RARB: variants seen among roughly 807,000 people sequenced by gnomAD.
RARB encodes retinoic acid receptor beta.
In RARB, 17 loss-of-function variants were observed where a neutral mutation model predicts 51.9. The ratio of observed to expected loss-of-function variants is 0.33; its 90% CI spans 0.22 to 0.49. RARB has a LOEUF of 0.49. Ranked by LOEUF, RARB falls within the 20% of genes least tolerant of loss-of-function variation. The pLI is 0.99. For synonymous variants in RARB, 215 were observed against 195.4 expected, an observed-to-expected ratio of 1.10 and a Z score of -0.84; for missense variants, 369 against 550.8, an observed-to-expected ratio of 0.67 and a Z score of 3.30.
intron 2 of RARB, among the ~76,000 whole-genome samples, chr3:25,472,400 G>A (rs1695741014): frequency 6.6e-6 from 1 of 152,168 alleles, no homozygotes; most frequent in African/African-American, 2.4e-5. Context: ...AAAACCAACT[G>A]CAAAGTCGAC....
chr3:25,417,746 T>C (rs1272723216), intron 5 of RARB, among the ~76,000 whole-genome samples: 1 of 152,218 alleles, frequency 6.6e-6, no homozygotes, highest in African/African-American at 2.4e-5. Flanking sequence ...ACTATCTTTC[T>C]TCTTCTTTTA....
intron 3 of RARB, among the ~76,000 whole-genome samples, chr3:25,072,817 TCCTGCCTCAG>T (rs1358551262): frequency 6.6e-6 from 1 of 152,026 alleles, no homozygotes; most frequent in Non-Finnish European, 1.5e-5. Context: ...CACGCCATTC[TCCTGCCTCAG>T]CCTGCCGAGT....
intron 2 of RARB, among the ~76,000 whole-genome samples, chr3:25,024,132 C>T (rs1463023406): frequency 1.3e-5 from 2 of 152,116 alleles, no homozygotes; most frequent in South Asian, 2.1e-4. Context: ...CAGCCTAATC[C>T]CTGAGTCTCA....
At chr3:25,260,293 C>A (rs1051589276) in intron 5 of RARB, among the ~76,000 whole-genome samples, 1 of 152,080 alleles carries the variant, frequency 6.6e-6, no homozygotes, top group African/African-American at 2.4e-5. Context: ...ATAAGAAATA[C>A]ATATATATGT....
intron 2 of RARB, among the ~76,000 whole-genome samples, chr3:24,885,295 C>T (rs950560589): frequency 6.6e-6 from 1 of 151,936 alleles, no homozygotes; most frequent in Admixed American, 6.6e-5. Context: ...AATGGGATGC[C>T]TTTGGGAATT....
intron 5 of RARB, among the ~76,000 whole-genome samples, chr3:25,249,928 T>C (rs1199137100): frequency 4.9e-5 from 3 of 61,134 alleles, no homozygotes; most frequent in Admixed American, 1.2e-4. Context: ...GTTGGGCCAA[T>C]TATTGGGTCA....
chr3:25,377,443 C>A (rs1399952230), intron 5 of RARB, among the ~76,000 whole-genome samples: 5 of 152,316 alleles, frequency 3.3e-5, no homozygotes, highest in Non-Finnish European at 5.9e-5. Context: ...GGGCATGGCA[C>A]TGTGTAGGTC....
chr3:25,531,240 T>C (rs938921846), intron 3 of RARB, among the ~76,000 whole-genome samples: 1 of 152,122 alleles, frequency 6.6e-6, no homozygotes, highest in Non-Finnish European at 1.5e-5. Context: ...TCCGAAGACC[T>C]GTGAACCACA....
intron 3 of RARB, among the ~76,000 whole-genome samples, chr3:25,119,460 G>T (rs1035127575): frequency 6.6e-6 from 1 of 152,032 alleles, no homozygotes; most frequent in South Asian, 2.1e-4. Context: ...CAAAGTAATC[G>T]ATGTTAAGAG....
At chr3:25,508,627 G>A (rs999592122) in intron 3 of RARB, among the ~76,000 whole-genome samples, 13 of 152,190 alleles carry the variant, frequency 8.5e-5, no homozygotes, top group African/African-American at 3.1e-4. Context: ...TTCTTCATTT[G>A]TTCCCGTGTT....
intron 2 of RARB, among the ~76,000 whole-genome samples, chr3:24,942,264 A>T (rs887291689): frequency 1.3e-5 from 2 of 152,220 alleles, no homozygotes; most frequent in African/African-American, 2.4e-5. Flanking sequence ...ATAAACCAAA[A>T]TAGCTCTGTA....
At chr3:25,267,056 C>A (rs962094154) in intron 5 of RARB, among the ~76,000 whole-genome samples, 2 of 152,142 alleles carry the variant, frequency 1.3e-5, no homozygotes, top group East Asian at 3.8e-4. Context: ...TGATTCTGAC[C>A]CCTTCCCTGA....
intron 3 of RARB, among the ~76,000 whole-genome samples, chr3:25,515,220 T>G (rs1258440153): frequency 6.6e-6 from 1 of 152,192 alleles, no homozygotes; most frequent in Non-Finnish European, 1.5e-5. Flanking sequence ...ATCCATCAGA[T>G]TGAAGTGTGG....
rs534027405 is a variant in RARB, at chr3:24,869,380, T to A, written c.-380+10628T>A. On this transcript the variant is annotated intron_variant, in intron 2 of 11. Coordinates refer to the RARB transcript ENST00000383772. ...TTATGGTTTTCACATAAATGTAAAA[T>A]TAAGACAAATCAAATTATGCTTCCT... 7.9e-5 allele frequency among the ~76,000 whole-genome samples: 12 copies of A among 152,208 alleles called. No homozygotes were observed. The South Asian group carries it at 1.5e-3, about 18-fold the overall frequency.
At chr3:25,103,605 A>C (rs1039446683) in intron 3 of RARB, among the ~76,000 whole-genome samples, 2 of 152,238 alleles carry the variant, frequency 1.3e-5, no homozygotes, top group Non-Finnish European at 2.9e-5. Context: ...TCTTTGAGCA[A>C]GGAGGAGGAG....
At chr3:24,958,822 ATG>A (rs1308474952) in intron 2 of RARB, among the ~76,000 whole-genome samples, 1 of 152,188 alleles carries the variant, frequency 6.6e-6, no homozygotes, top group African/African-American at 2.4e-5. Context: ...GAGATTTTTC[ATG>A]TCTTTTCTAG....
rs1278013894 is a variant in RARB, at chr3:25,476,869, T to C, written c.306+15528T>C. On this transcript the variant is annotated intron_variant, in intron 2 of 7. Coordinates refer to ENST00000330688, the MANE Select transcript of RARB (RefSeq NM_000965.5). Reference sequence around the variant, plus strand: ...GAATAGTTTACTTAGTCACTGTTTTTCTCTCCCACTAGTGTGTAAGTGCTA... The same window carrying C: ...GAATAGTTTACTTAGTCACTGTTTTCCTCTCCCACTAGTGTGTAAGTGCTA... Among the ~76,000 whole-genome samples, 3 of 152,222 alleles carry C rather than the reference T, an allele frequency of 2.0e-5. No homozygotes were observed. The East Asian group carries it at 5.8e-4, about 29-fold the overall frequency.
At chr3:25,376,011 T>C (rs78675102) in intron 5 of RARB, among the ~76,000 whole-genome samples, 1,559 of 152,306 alleles carry the variant, frequency 0.01, 34 homozygotes, top group African/African-American at 0.035. Context: ...GAGGAGTAAA[T>C]GAGCTAATAC....
chr3:25,498,080 T>G (rs1483765550), intron 2 of RARB, among the ~76,000 whole-genome samples: 1 of 152,184 alleles, frequency 6.6e-6, no homozygotes, highest in Non-Finnish European at 1.5e-5. Flanking sequence ...GACATCTGAT[T>G]ATTGTATTAT....
Sources: gnomAD v4.1 joint callset for allele counts (sites outside exome capture counted in the v4.1 genomes callset) on GRCh38, gnomAD v4.1.1 for gene constraint, MANE v1.5 for transcripts, NCBI Gene and HGNC (gene_info 2026-07-23, HGNC 2026-07-21) for gene names.